Variants in RNF168 observed in about 807,000 individuals in gnomAD.
The protein encoded by RNF168 is ring finger protein 168, also known as E3 ubiquitin-protein ligase RNF168.
RNF168 carries 34 observed loss-of-function variants against 34.9 expected under a neutral mutation model. The ratio of observed to expected loss-of-function variants is 0.97; its 90% CI spans 0.74 to 1.30. The LOEUF is 1.30. RNF168 is among the 50% of genes most tolerant of loss of function. The probability of loss-of-function intolerance (pLI) is 0.00; values close to 1 mark genes in which losing one functional copy is unlikely to be tolerated. For synonymous variants in RNF168, 264 were observed against 254.7 expected, an observed-to-expected ratio of 1.04 and a Z score of -0.35; for missense variants, 725 against 682.5, an observed-to-expected ratio of 1.06 and a Z score of -0.69.
intron 4 of RNF168, among the ~76,000 whole-genome samples, chr3:196,481,134 T>C (rs966840041): frequency 2.0e-5 from 3 of 152,248 alleles, no homozygotes; most frequent in Admixed American, 2.0e-4. Flanking sequence ...ATACCGCCTC[T>C]GAAGAATGAT....
chr3:196,472,162 T>C lies in RNF168; in HGVS notation c.1373A>G (p.Asp458Gly). The change falls in exon 6 of 6, where the codon GAT becomes GGT. Residue 458 changes from aspartate (D) to glycine (G), a missense_variant. Physicochemically the swap from Asp to Gly is moderately conservative, Grantham distance 94 (BLOSUM62 -1). Transcript: ENST00000318037. ...LLALQLQKEV[D>G]KEQMVPNRQK... ...CCGGTTTGGCACCATTTGCTCTTTA[T>C]CCACCTCCTTCTGAAGTTGTAATGC... 6.2e-7 allele frequency: 1 copy of C among 1,614,170 alleles called. No homozygotes were observed.
intron 1 of RNF168, among the ~76,000 whole-genome samples, chr3:196,492,023 A>C (rs1732609029): frequency 6.6e-6 from 1 of 152,200 alleles, no homozygotes; most frequent in Non-Finnish European, 1.5e-5. Flanking sequence ...GGCAGTTTCA[A>C]GCGTGGAAGA....
At chr3:196,501,442 G>A (rs1449337486) in intron 1 of RNF168, among the ~76,000 whole-genome samples, 2 of 152,092 alleles carry the variant, frequency 1.3e-5, no homozygotes, top group African/African-American at 2.4e-5. Flanking sequence ...TCAGAAACAC[G>A]CTAAGTGAAA....
chr3:196,498,141 C>T (rs115381940), intron 1 of RNF168, among the ~76,000 whole-genome samples: 2 of 152,166 alleles, frequency 1.3e-5, no homozygotes, highest in African/African-American at 2.4e-5. Context: ...CAACCACTTT[C>T]GAAAAAGATC....
In RNF168 at chr3:196,475,330, CAA is replaced by C. The variant is rs763092281; in HGVS notation, c.681-20_681-19del. ...TCAAATACCTAAAAGAAAAGTTTAC[CAA>C]AGTTTCAATGCTTTCAAAGACAGAT... On this transcript the variant is annotated intron_variant, in intron 4 of 5. Transcript: ENST00000318037. 1 of 1,469,492 alleles carries C rather than the reference CAA, an allele frequency of 6.8e-7. No individual in the cohort carries two copies. The highest frequency in any genetic ancestry group is 9.5e-7 in the Non-Finnish European group (1 of 1,048,364). 91.0% of individuals were successfully genotyped at this position (1,469,492 alleles called of 1,614,324 possible). A position where few individuals can be genotyped will look rare whatever the true frequency, so the allele number is the denominator to read the frequency against.
chr3:196,475,120 G>T (rs557338935), intron 5 of RNF168, 111 bp downstream of exon 5: 1 of 718,096 alleles, frequency 1.4e-6, no homozygotes, highest in South Asian at 1.5e-5. Flanking sequence ...CTCAGACAGG[G>T]TGTTTGATTA....
intron 4 of RNF168, among the ~76,000 whole-genome samples, chr3:196,483,200 G>A (rs73072930): frequency 0.019 from 2,860 of 151,868 alleles, 104 homozygotes; most frequent in African/African-American, 0.066. Context: ...AAGGAGATGA[G>A]TTACCTGCAC....
intron 5 of RNF168, among the ~76,000 whole-genome samples, chr3:196,474,420 G>A (rs533265145): frequency 4.7e-5 from 7 of 149,118 alleles, no homozygotes; most frequent in Non-Finnish European, 8.9e-5. Flanking sequence ...CTGAGCCACC[G>A]TGCTTGGCCT....
At chr3:196,500,172 G>T (rs775343094) in intron 1 of RNF168, among the ~76,000 whole-genome samples, 1 of 152,100 alleles carries the variant, frequency 6.6e-6, no homozygotes, top group Non-Finnish European at 1.5e-5. Flanking sequence ...CAAAAGAATA[G>T]AAAACAGGCC....
chr3:196,477,378 A>G (rs568177198), intron 4 of RNF168, among the ~76,000 whole-genome samples: 1 of 152,374 alleles, frequency 6.6e-6, no homozygotes, highest in Admixed American at 6.5e-5. Context: ...TGTCAAAAGC[A>G]CCAACAAGTA....
intron 1 of RNF168, 124 bp from the exon 2 acceptor site, chr3:196,488,807 G>T: frequency 2.1e-6 from 1 of 486,658 alleles, no homozygotes; most frequent in South Asian, 3.4e-5. Context: ...ATCTCCTTTT[G>T]GAATTCCATT....
At chr3:196,492,935 G>A (rs1329591975) in intron 1 of RNF168, among the ~76,000 whole-genome samples, 1 of 152,024 alleles carries the variant, frequency 6.6e-6, no homozygotes, top group Non-Finnish European at 1.5e-5. Flanking sequence ...GGGGAGTTAA[G>A]ATGCCTACCT....
intron 1 of RNF168, among the ~76,000 whole-genome samples, chr3:196,496,057 A>T (rs1732736773): frequency 1.3e-5 from 2 of 152,252 alleles, no homozygotes; most frequent in South Asian, 2.1e-4. Context: ...GTGTTAACAA[A>T]GTTAACACAG....
At chr3:196,486,020 G>A (rs894123856) in intron 3 of RNF168, among the ~76,000 whole-genome samples, 4 of 152,074 alleles carry the variant, frequency 2.6e-5, no homozygotes, top group African/African-American at 9.7e-5. Flanking sequence ...ACTCTGCCAG[G>A]CTCGTTCAAA....
At chr3:196,490,749 G>GA (rs1732572285) in intron 1 of RNF168, among the ~76,000 whole-genome samples, 1 of 152,148 alleles carries the variant, frequency 6.6e-6, no homozygotes, top group Admixed American at 6.6e-5. Context: ...CTGCAACAGA[G>GA]AGACTAAAAA....
intron 1 of RNF168, among the ~76,000 whole-genome samples, chr3:196,489,221 T>C (rs1048971590): frequency 1.3e-5 from 2 of 152,152 alleles, no homozygotes; most frequent in African/African-American, 4.8e-5. Context: ...TGAATGCATA[T>C]ACTTAACCCT....
In RNF168 at chr3:196,488,697, A is replaced by AAAAAG. The variant is rs1321945799; in HGVS notation, c.302-19_302-15dup. On this transcript the variant is annotated splice_polypyrimidine_tract_variant and intron_variant, in intron 1 of 5. Transcript: ENST00000318037. ...GATAGTCATCAGCTATTTCATATCA[A>AAAAAG]AAAAGAAAATAACATTATAGGCAAC... The AAAAAG allele has an allele frequency of 1.9e-6, 3 of 1,560,186 alleles. No individual in the cohort carries two copies. Among genetic ancestry groups the AAAAAG allele is most frequent in the Non-Finnish European group, 2.7e-6 (3 of 1,131,914 alleles).
intron 4 of RNF168, among the ~76,000 whole-genome samples, chr3:196,475,556 T>TC (rs916485541): frequency 6.7e-6 from 1 of 149,394 alleles, no homozygotes; most frequent in African/African-American, 2.5e-5. Flanking sequence ...TTTTTTCTTT[T>TC]TTTTTTTTTT....
rs570888493 is a variant in RNF168, at chr3:196,470,709, C to T, written c.*1110G>A. ...GTCACCCCATCCAGCCTCATCTGGA[C>T]CAGTTTCCGACGACCCAATCTGTTT... is the stretch of plus-strand genomic sequence containing the variant. On this transcript the variant is annotated 3_prime_UTR_variant, in exon 6 of 6. Coordinates refer to ENST00000318037, the MANE Select transcript of RNF168 (RefSeq NM_152617.4). The T allele has an allele frequency of 2.0e-5, 3 of 153,412 alleles. No individual in the cohort carries two copies. The highest frequency in any genetic ancestry group is 7.2e-5 in the African/African-American group (3 of 41,496). The allele number at this position is 153,412 out of a possible 1,614,324, so 9.5% of individuals were successfully genotyped here. A position where few individuals can be genotyped will look rare whatever the true frequency, so the allele number is the denominator to read the frequency against.
Sources: allele counts gnomAD v4.1 joint callset (sites outside exome capture counted in the v4.1 genomes callset), GRCh38; gene constraint gnomAD v4.1.1; transcripts MANE v1.5; gene names NCBI Gene and HGNC (gene_info 2026-07-23, HGNC 2026-07-21).